Variants in RBBP5 observed in about 807,000 individuals in gnomAD.
RBBP5 encodes the protein RB binding protein 5, histone lysine methyltransferase complex subunit.
Under a neutral mutation model 72.2 loss-of-function variants are expected in RBBP5, and 5 were observed. The observed-to-expected ratio is 0.07, with a 90% confidence interval of 0.04 to 0.15. The LOEUF is 0.15. Among genes scored for constraint, RBBP5 ranks in the 10% least tolerant of loss-of-function variants. The pLI is 1.00. For synonymous variants in RBBP5, 209 were observed against 237.2 expected (o/e 0.88, Z 1.09); for missense variants, 322 against 652.2 (o/e 0.49, Z 5.51).
chr1:205,116,944 A>G (rs1656549175), intron 1 of RBBP5, among the ~76,000 whole-genome samples: 1 of 152,222 alleles, frequency 6.6e-6, no homozygotes, highest in Admixed American at 6.5e-5. Context: ...TAATAACAGC[A>G]TTTAGGTTGC....
chr1:205,117,054 G>T (rs968948337), intron 1 of RBBP5, among the ~76,000 whole-genome samples: 14 of 150,306 alleles, frequency 9.3e-5, no homozygotes, highest in African/African-American at 2.2e-4. Flanking sequence ...GGTTTTTTTT[G>T]TTTGTTTGTT....
intron 1 of RBBP5, among the ~76,000 whole-genome samples, chr1:205,119,770 C>T (rs1190877567): frequency 6.6e-6 from 1 of 152,212 alleles, no homozygotes; most frequent in Non-Finnish European, 1.5e-5. Flanking sequence ...TGAAAATCTG[C>T]CTAGCTCAGA....
chr1:205,115,777 G>GATCAAAAAGTATTTTCTGTTCT, intron 2 of RBBP5, 81 bp downstream of exon 2: 1 of 1,420,604 alleles, frequency 7.0e-7, no homozygotes, highest in Non-Finnish European at 9.4e-7. Flanking sequence ...AAAACACAAG[G>GATCAAAAAGTATTTTCTGTTCT]ATCAAAAAGT....
chr1:205,105,397 A>C (rs1296743305), intron 3 of RBBP5, among the ~76,000 whole-genome samples: 2 of 152,222 alleles, frequency 1.3e-5, no homozygotes, highest in African/African-American at 2.4e-5. Flanking sequence ...TTTCAAGATA[A>C]AACTATAAAG....
intron 1 of RBBP5, among the ~76,000 whole-genome samples, chr1:205,120,473 A>G (rs990437367): frequency 2.6e-5 from 4 of 152,140 alleles, no homozygotes; most frequent in African/African-American, 9.7e-5. Flanking sequence ...CATCCCTCCC[A>G]TATTTTCATA....
chr1:205,100,528 G>A (rs941841663), intron 6 of RBBP5, among the ~76,000 whole-genome samples: 67 of 152,086 alleles, frequency 4.4e-4, no homozygotes, highest in African/African-American at 1.5e-3. Context: ...ACTGAAACCA[G>A]CTTCCTAAAT....
At chr1:205,097,703 G>C (rs554103493) in intron 10 of RBBP5, among the ~76,000 whole-genome samples, 5 of 152,176 alleles carry the variant, frequency 3.3e-5, no homozygotes, top group Non-Finnish European at 5.9e-5. Context: ...CAGGATATGG[G>C]AAGGAGGAAC....
chr1:205,095,230 T>C (rs1175067458), intron 12 of RBBP5, among the ~76,000 whole-genome samples, 166 bp from the exon 13 acceptor site: 1 of 152,222 alleles, frequency 6.6e-6, no homozygotes, highest in Non-Finnish European at 1.5e-5. Flanking sequence ...GGTCATTAAA[T>C]GAGAGATAGT....
chr1:205,116,039 G>T, intron 1 of RBBP5, 156 bp from the exon 2 acceptor site: 1 of 1,478,480 alleles, frequency 6.8e-7, no homozygotes. Context: ...TCAAGATCCT[G>T]CTAAGATGAC....
At position 205,121,894 on chromosome 1, in the gene RBBP5, C is replaced by A; in HGVS notation, c.-21G>T. ...TTCATCCCTGCGGACTGTGGCCGCC[C>A]GGTCTCAGCTCCGGCAACAACACCT... On this transcript the variant is annotated 5_prime_UTR_variant, in exon 1 of 14. Coordinates refer to ENST00000264515, the MANE Select transcript of RBBP5 (RefSeq NM_005057.4). 1 of 1,609,964 alleles carries A rather than the reference C, an allele frequency of 6.2e-7. No individual in the cohort carries two copies. The highest frequency in any genetic ancestry group is 2.2e-5 in the East Asian group (1 of 44,866).
chr1:205,094,781 A>G (rs995050266), intron 13 of RBBP5, 92 bp downstream of exon 13: 4 of 1,322,862 alleles, frequency 3.0e-6, no homozygotes, highest in Non-Finnish European at 2.1e-6. Context: ...GAGGGAAGAG[A>G]GGGGGAAAAA....
intron 1 of RBBP5, among the ~76,000 whole-genome samples, chr1:205,116,793 G>A (rs1165545954): frequency 3.9e-5 from 6 of 152,120 alleles, no homozygotes; most frequent in Admixed American, 6.5e-5. Flanking sequence ...CAACCTGGGC[G>A]ACAGAACAAG....
chr1:205,088,913 C>A, intron 13 of RBBP5, 98 bp from the exon 14 acceptor site: 1 of 1,077,218 alleles, frequency 9.3e-7, no homozygotes, highest in Non-Finnish European at 1.3e-6. Context: ...GCATTACAAG[C>A]ACACGTGGAC....
At chr1:205,107,594 G>C (rs1452733873) in intron 3 of RBBP5, among the ~76,000 whole-genome samples, 1 of 152,156 alleles carries the variant, frequency 6.6e-6, no homozygotes, top group African/African-American at 2.4e-5. Context: ...GAAGGGTTTA[G>C]AACATCAGGA....
chr1:205,094,785 G>C (rs945456231), intron 13 of RBBP5, 88 bp downstream of exon 13: 2 of 1,350,270 alleles, frequency 1.5e-6, no homozygotes, highest in Admixed American at 4.7e-5. Context: ...GAAGAGAGGG[G>C]GAAAAAATGT....
intron 3 of RBBP5, among the ~76,000 whole-genome samples, chr1:205,111,911 C>T (rs1242581955): frequency 6.6e-6 from 1 of 152,112 alleles, no homozygotes; most frequent in Non-Finnish European, 1.5e-5. Flanking sequence ...TATCCTGATA[C>T]CTGTAGTTCC....
chr1:205,090,776 T>C (rs1361289402), intron 13 of RBBP5, among the ~76,000 whole-genome samples: 2 of 152,054 alleles, frequency 1.3e-5, no homozygotes, highest in Non-Finnish European at 2.9e-5. Flanking sequence ...CCTACCTTAG[T>C]TAGTTAATAA....
chr1:205,105,183 G>T lies in RBBP5; in HGVS notation c.219-15C>A. 6.2e-7 allele frequency: 1 copy of T among 1,604,370 alleles called. No individual in the cohort carries two copies. ...CTCGGCTCCAGCTGAGGAAAAAAAA[G>T]GGGTAATTTAGCACATATTCTAAGT... On this transcript the variant is annotated splice_polypyrimidine_tract_variant and intron_variant, in intron 3 of 13. Transcript: ENST00000264515.
chr1:205,104,248 G>A (rs1013024363), intron 4 of RBBP5, among the ~76,000 whole-genome samples: 5 of 152,176 alleles, frequency 3.3e-5, no homozygotes, highest in African/African-American at 1.2e-4. Flanking sequence ...GAGGCCAGGT[G>A]CAGTGGCTCA....
Sources: gnomAD v4.1 joint callset for allele counts (sites outside exome capture counted in the v4.1 genomes callset) on GRCh38, gnomAD v4.1.1 for gene constraint, MANE v1.5 for transcripts, NCBI Gene and HGNC (gene_info 2026-07-23, HGNC 2026-07-21) for gene names.